Variants in TMTC2 observed in about 807,000 individuals in gnomAD.
TMTC2 encodes transmembrane O-mannosyltransferase targeting cadherins 2.
Under a neutral mutation model 82.4 loss-of-function variants are expected in TMTC2, and 43 were observed. The ratio of observed to expected loss-of-function variants is 0.52; its 90% confidence interval spans 0.41 to 0.67. TMTC2 has a LOEUF of 0.67. TMTC2 is among the 30% of genes least tolerant of loss of function. The probability of loss-of-function intolerance (pLI) is 0.00; values close to 1 mark genes in which losing one functional copy is unlikely to be tolerated. For missense variants in TMTC2, 919 were observed against 1,012.4 expected (o/e 0.91, Z 1.25); for synonymous variants, 408 against 381.9 (o/e 1.07, Z -0.80).
At chr12:82,947,373 G>T (rs7308824) in intron 4 of TMTC2, among the ~76,000 whole-genome samples, 2 of 140,970 alleles carry the variant, frequency 1.4e-5, no homozygotes. Flanking sequence ...ACGGAGTCTC[G>T]CTCTTGTCGC....
intron 9 of TMTC2, among the ~76,000 whole-genome samples, chr12:83,047,897 G>A (rs1001532320): frequency 6.6e-6 from 1 of 152,158 alleles, no homozygotes; most frequent in Non-Finnish European, 1.5e-5. Flanking sequence ...AGATGCATTT[G>A]GCATTGCTAA....
At chr12:82,746,208 C>T (rs1386605200) in intron 1 of TMTC2, among the ~76,000 whole-genome samples, 7 of 152,088 alleles carry the variant, frequency 4.6e-5, no homozygotes, top group Non-Finnish European at 8.8e-5. Context: ...ATATTTTTGC[C>T]CATTTGCTCA....
intron 11 of TMTC2, among the ~76,000 whole-genome samples, chr12:83,092,017 G>A (rs1328345403): frequency 6.6e-6 from 1 of 152,220 alleles, no homozygotes. Flanking sequence ...CAAAGAGGAA[G>A]GGGGTGAGAG....
chr12:82,709,623 T>C (rs947516206), intron 1 of TMTC2, among the ~76,000 whole-genome samples: 5 of 151,990 alleles, frequency 3.3e-5, no homozygotes, highest in Non-Finnish European at 7.4e-5. Context: ...ACAATTTCTG[T>C]AAAAGCCGAT....
At chr12:83,098,777 T>C (rs1004399696) in intron 11 of TMTC2, among the ~76,000 whole-genome samples, 3 of 152,180 alleles carry the variant, frequency 2.0e-5, no homozygotes, top group African/African-American at 7.2e-5. Flanking sequence ...TCTCTTGCCA[T>C]CCATGCTGAG....
chr12:82,755,034 C>T (rs889236331), intron 1 of TMTC2, among the ~76,000 whole-genome samples: 1 of 152,234 alleles, frequency 6.6e-6, no homozygotes, highest in East Asian at 1.9e-4. Context: ...ATAGAGATTA[C>T]AATCAAAGTT....
chr12:82,880,727 C>T (rs1872780028), intron 2 of TMTC2, among the ~76,000 whole-genome samples: 1 of 152,184 alleles, frequency 6.6e-6, no homozygotes, highest in Non-Finnish European at 1.5e-5. Flanking sequence ...ACTGTTAAAG[C>T]AGACAGAATT....
intron 3 of TMTC2, among the ~76,000 whole-genome samples, chr12:82,921,628 G>A (rs1380278889): frequency 6.6e-6 from 1 of 152,058 alleles, no homozygotes; most frequent in Non-Finnish European, 1.5e-5. Flanking sequence ...TTTAAAACAG[G>A]AATGAAATGA....
chr12:82,890,970 A>T (rs948353856), intron 2 of TMTC2, among the ~76,000 whole-genome samples: 6 of 152,096 alleles, frequency 3.9e-5, no homozygotes, highest in African/African-American at 1.4e-4. Context: ...CTTTATATGA[A>T]TTTTTGCTAG....
At chr12:82,881,444 A>G (rs995122175) in intron 2 of TMTC2, among the ~76,000 whole-genome samples, 3 of 152,246 alleles carry the variant, frequency 2.0e-5, no homozygotes, top group Non-Finnish European at 4.4e-5. Flanking sequence ...GAAATAAATT[A>G]GAGCGATTAC....
In TMTC2 at chr12:82,965,639, G is replaced by A. The variant is rs773377623; in HGVS notation, c.1764G>A (p.Ser588=). ...EEARRTFLKC[S]EIPDENLKDP... Reference sequence around the variant, plus strand: ...CCCGACGGACATTCTTAAAGTGTTCGGAGATCCCAGATGAAAACCTAAAGG... The same window carrying A: ...CCCGACGGACATTCTTAAAGTGTTCAGAGATCCCAGATGAAAACCTAAAGG... The change falls in exon 6 of 12, where the codon TCG becomes TCA. Residue 588 remains serine, a synonymous_variant. Coordinates refer to ENST00000321196, the MANE Select transcript of TMTC2 (RefSeq NM_152588.3). 1.5e-5 allele frequency: 25 copies of A among 1,613,630 alleles called. No individual in the cohort carries two copies. The highest frequency in any genetic ancestry group is 1.4e-4 in the South Asian group (13 of 91,072).
At chr12:83,124,663 C>G (rs1219495858) in intron 11 of TMTC2, among the ~76,000 whole-genome samples, 1 of 151,402 alleles carries the variant, frequency 6.6e-6, no homozygotes, top group Admixed American at 6.6e-5. Context: ...CTCAAAAGAG[C>G]CCATGACAGA....
chr12:82,924,339 T>C (rs534292855), intron 3 of TMTC2, among the ~76,000 whole-genome samples: 52 of 152,210 alleles, frequency 3.4e-4, no homozygotes, highest in Admixed American at 1.9e-3. Flanking sequence ...TAAAAAATCA[T>C]TCATATAGCA....
chr12:83,062,654 GC>G (rs1882786204), intron 11 of TMTC2, among the ~76,000 whole-genome samples: 2 of 151,896 alleles, frequency 1.3e-5, no homozygotes, highest in South Asian at 2.1e-4. Context: ...CATTGGGCAA[GC>G]ATCTATAGAG....
chr12:82,868,715 GA>G (rs569942357), intron 2 of TMTC2, among the ~76,000 whole-genome samples: 6 of 97,600 alleles, frequency 6.1e-5, no homozygotes, highest in South Asian at 3.3e-4. Context: ...TTTTTTTTTT[GA>G]AAAAAAAAGG....
chr12:82,931,915 A>G (rs1418601936), intron 4 of TMTC2, among the ~76,000 whole-genome samples: 1 of 152,146 alleles, frequency 6.6e-6, no homozygotes, highest in Non-Finnish European at 1.5e-5. Flanking sequence ...GGGAGGGGCA[A>G]CGAGTCACTT....
chr12:82,857,376 C>G lies in TMTC2; in HGVS notation c.450C>G (p.Leu150=). ...TCGGGGCCAGTCTCTTCTTTCTCCT[C>G]TCCTTGCTCTGCTACATTAAACACT... ...ADVGASLFFL[L]SLLCYIKHCS... The change falls in exon 2 of 12, where the codon CTC becomes CTG. Residue 150 remains leucine, a synonymous_variant. Coordinates refer to ENST00000321196, the MANE Select transcript of TMTC2 (RefSeq NM_152588.3). 1 of 1,614,216 alleles carries G rather than the reference C, an allele frequency of 6.2e-7. No homozygotes were observed. The highest frequency in any genetic ancestry group is 2.2e-5 in the East Asian group (1 of 44,866).
chr12:82,997,427 T>TATATATATATAC (rs1555204088), intron 8 of TMTC2, among the ~76,000 whole-genome samples: 6 of 113,388 alleles, frequency 5.3e-5, no homozygotes, highest in African/African-American at 1.9e-4. Flanking sequence ...TATATATATA[T>TATATATATATAC]ACACACAGAG....
intron 4 of TMTC2, among the ~76,000 whole-genome samples, chr12:82,951,213 C>A (rs1352387114): frequency 6.6e-6 from 1 of 152,090 alleles, no homozygotes; most frequent in Non-Finnish European, 1.5e-5. Context: ...TTTTTCTGTC[C>A]ATCTCCTTTT....
Sources: allele counts gnomAD v4.1 joint callset (sites outside exome capture counted in the v4.1 genomes callset), GRCh38; gene constraint gnomAD v4.1.1; transcripts MANE v1.5; gene names NCBI Gene and HGNC (gene_info 2026-07-23, HGNC 2026-07-21).